DST: variants seen among roughly 807,000 people sequenced by gnomAD.
DST encodes bullous pemphigoid antigen.
Under a neutral mutation model 875.2 loss-of-function variants are expected in DST, and 253 were observed. That is an observed-to-expected ratio of 0.29 (90% CI 0.26 to 0.32). DST has a LOEUF of 0.32. DST is among the 10% of genes least tolerant of loss of function. The pLI, the probability that DST is intolerant of heterozygous loss-of-function variation, is 1.00. For synonymous variants in DST, 3,124 were observed against 3,197.1 expected, an observed-to-expected ratio of 0.98 and a Z score of 0.77; for missense variants, 8,287 against 9,111.6, an observed-to-expected ratio of 0.91 and a Z score of 3.68.
chr6:56,544,906 C>T (rs773597685), intron 61 of DST, among the ~76,000 whole-genome samples: 14 of 152,026 alleles, frequency 9.2e-5, no homozygotes, highest in Non-Finnish European at 1.8e-4. Context: ...TTATTTTTCC[C>T]CAAAAATTTG....
chr6:56,688,070 G>A (rs1222620001), intron 9 of DST, among the ~76,000 whole-genome samples: 1 of 152,140 alleles, frequency 6.6e-6, no homozygotes, highest in Non-Finnish European at 1.5e-5. Context: ...TTAAAAGGCA[G>A]AGAAAGGCAT....
At chr6:56,530,210 G>C in intron 64 of DST, 77 bp from the exon 65 acceptor site, 2 of 1,158,426 alleles carry the variant, frequency 1.7e-6, no homozygotes, top group Non-Finnish European at 2.3e-6. Context: ...TCATGCTCTT[G>C]CAATCTATTC....
chr6:56,615,559 C>T, intron 36 of DST: 1 of 1,614,088 alleles, frequency 6.2e-7, no homozygotes, highest in Non-Finnish European at 8.5e-7. Flanking sequence ...TCATCAGGGG[C>T]TCAGATACTT....
intron 8 of DST, among the ~76,000 whole-genome samples, chr6:56,701,264 TG>T (rs1315780899): frequency 6.6e-6 from 1 of 152,152 alleles, no homozygotes; most frequent in Non-Finnish European, 1.5e-5. Context: ...ACTAATATTT[TG>T]GCCTATGACG....
At chr6:56,893,357 T>A (rs1241048367) in intron 3 of DST, among the ~76,000 whole-genome samples, 1 of 152,232 alleles carries the variant, frequency 6.6e-6, no homozygotes, top group African/African-American at 2.4e-5. Context: ...GGCTGAGTAG[T>A]ATTCCATCGT....
chr6:56,503,590 T>TACACAC (rs1220256775), intron 78 of DST, among the ~76,000 whole-genome samples: 280 of 48,410 alleles, frequency 5.8e-3, no homozygotes, highest in East Asian at 0.01. Flanking sequence ...TCTCTACCTA[T>TACACAC]ACATACACAC....
intron 4 of DST, among the ~76,000 whole-genome samples, chr6:56,811,361 C>T (rs1178854547): frequency 6.6e-6 from 1 of 152,012 alleles, no homozygotes; most frequent in Non-Finnish European, 1.5e-5. Flanking sequence ...TCTCCCCCTG[C>T]TACCAGAAGG....
intron 4 of DST, among the ~76,000 whole-genome samples, chr6:56,743,952 G>A (rs577907440): frequency 2.6e-5 from 4 of 152,114 alleles, no homozygotes; most frequent in African/African-American, 4.8e-5. Context: ...TCAGGAGTTC[G>A]AGACCACCTG....
chr6:56,747,493 T>C (rs1410710370), intron 4 of DST, among the ~76,000 whole-genome samples: 2 of 152,214 alleles, frequency 1.3e-5, no homozygotes, highest in Non-Finnish European at 2.9e-5. Flanking sequence ...TACCTTCTCC[T>C]ACCTGAGCAT....
chr6:56,506,407 C>T (rs1307441121), intron 77 of DST, 36 bp downstream of exon 77: 5 of 1,526,814 alleles, frequency 3.3e-6, no homozygotes, highest in African/African-American at 2.7e-5. Context: ...TTCCTCCTTC[C>T]AGCTAAGACC....
intron 4 of DST, among the ~76,000 whole-genome samples, chr6:56,770,447 C>A (rs1938100401): frequency 6.6e-6 from 1 of 152,116 alleles, no homozygotes; most frequent in Non-Finnish European, 1.5e-5. Context: ...TTATAAAGAT[C>A]ATAATTTCTC....
At chr6:56,546,347 C>CATATAT (rs10617867) in intron 61 of DST, among the ~76,000 whole-genome samples, 1,064 of 72,514 alleles carry the variant, frequency 0.015, 18 homozygotes, top group South Asian at 0.024. Context: ...ATACATATTT[C>CATATAT]ATATATATAT....
chr6:56,463,421 T>A (rs1202668842), intron 101 of DST, 144 bp downstream of exon 101: 5 of 820,636 alleles, frequency 6.1e-6, no homozygotes, highest in South Asian at 2.1e-5. Context: ...CAAAAAAAAA[T>A]TCCTGTATTT....
At chr6:56,653,180 C>T (rs1206706877) in intron 10 of DST, among the ~76,000 whole-genome samples, 5 of 152,102 alleles carry the variant, frequency 3.3e-5, no homozygotes, top group Non-Finnish European at 5.9e-5. Context: ...AGTTTTTCAG[C>T]TAAGAGAATA....
At chr6:56,787,510 CA>C (rs1306230015) in intron 4 of DST, among the ~76,000 whole-genome samples, 1 of 152,160 alleles carries the variant, frequency 6.6e-6, no homozygotes, top group East Asian at 1.9e-4. Context: ...TGAAGTACTT[CA>C]ACAGCTAAGA....
At chr6:56,945,369 G>A (rs1696060777) in intron 2 of DST, among the ~76,000 whole-genome samples, 1 of 152,184 alleles carries the variant, frequency 6.6e-6, no homozygotes, top group African/African-American at 2.4e-5. Context: ...GATGGGACAG[G>A]ATGGATGAGG....
At chr6:56,863,004 C>A (rs1018492507) in intron 3 of DST, 1 of 152,192 alleles carries the variant, frequency 6.6e-6, no homozygotes, top group East Asian at 1.9e-4. Context: ...GTGACTCAAA[C>A]TGGTTTAAGA....
rs1459158288 is a variant in DST, at chr6:56,552,696, G to A, written c.16096C>T (p.Leu5366=). 6 of 1,613,440 alleles carry A rather than the reference G, an allele frequency of 3.7e-6. No homozygotes were observed. The highest frequency in any genetic ancestry group is 5.1e-6 in the Non-Finnish European group (6 of 1,179,896). The change falls in exon 61 of 104, where the codon CTA becomes TTA. Residue 5366 remains leucine, a synonymous_variant. Transcript: ENST00000680361. ...VETIAQEHST[L]SQQVDEKCSF... ...CACTTTTCATCAACCTGCTGACTTA[G>A]TGTACTATGCTCTTGAGCTATGGTT...
chr6:56,485,502 G>C (rs1562293550), intron 87 of DST, 31 bp from the exon 88 acceptor site: 2 of 1,599,002 alleles, frequency 1.3e-6, no homozygotes, highest in South Asian at 1.1e-5. Context: ...ATTGATCCTT[G>C]CAACAAAAAA....
Sources: gnomAD v4.1 joint callset for allele counts (sites outside exome capture counted in the v4.1 genomes callset) on GRCh38, gnomAD v4.1.1 for gene constraint, MANE v1.5 for transcripts, NCBI Gene and HGNC (gene_info 2026-07-23, HGNC 2026-07-21) for gene names.